Variants in CNTNAP2 observed in about 807,000 individuals in gnomAD.
CNTNAP2 encodes contactin-associated protein-like 2.
A neutral mutation model predicts 155.2 loss-of-function variants in CNTNAP2; 98 were observed. The observed-to-expected ratio is 0.63, with a 90% CI of 0.54 to 0.75. The LOEUF is 0.75. Ranked by LOEUF, CNTNAP2 falls within the 30% of genes least tolerant of loss-of-function variation. The pLI is 0.00. For synonymous variants in CNTNAP2, 651 were observed against 631.2 expected (o/e 1.03, Z -0.47); for missense variants, 1,727 against 1,688.1 (o/e 1.02, Z -0.40).
At chr7:147,762,861 T>G (rs1483270623) in intron 13 of CNTNAP2, among the ~76,000 whole-genome samples, 3 of 151,952 alleles carry the variant, frequency 2.0e-5, no homozygotes, top group Non-Finnish European at 4.4e-5. Flanking sequence ...AGTCTGAACC[T>G]TTCTACTAAA....
chr7:147,291,751 A>G (rs79692406), intron 8 of CNTNAP2, among the ~76,000 whole-genome samples: 1,693 of 152,258 alleles, frequency 0.011, 32 homozygotes, highest in African/African-American at 0.039. Flanking sequence ...TTATACTCCA[A>G]CCAGCAATGC....
intron 3 of CNTNAP2, among the ~76,000 whole-genome samples, chr7:146,902,470 A>G (rs1434695467): frequency 6.6e-6 from 1 of 152,232 alleles, no homozygotes; most frequent in Non-Finnish European, 1.5e-5. Flanking sequence ...TGCTATAATA[A>G]GAAAAGAGTT....
At chr7:146,928,228 T>C (rs529782921) in intron 3 of CNTNAP2, among the ~76,000 whole-genome samples, 74 of 152,236 alleles carry the variant, frequency 4.9e-4, no homozygotes, top group African/African-American at 1.8e-3. Flanking sequence ...AACTGTATTG[T>C]TTTACCATAA....
At chr7:146,530,253 G>T (rs1797750627) in intron 1 of CNTNAP2, among the ~76,000 whole-genome samples, 3 of 152,054 alleles carry the variant, frequency 2.0e-5, no homozygotes, top group Non-Finnish European at 4.4e-5. Flanking sequence ...AGATGTAAAT[G>T]TAAAATCTAA....
At chr7:148,156,458 C>T (rs566567379) in intron 17 of CNTNAP2, among the ~76,000 whole-genome samples, 1 of 152,140 alleles carries the variant, frequency 6.6e-6, no homozygotes, top group South Asian at 2.1e-4. Flanking sequence ...CACTTAGTCT[C>T]TCCTGCATTC....
intron 18 of CNTNAP2, among the ~76,000 whole-genome samples, chr7:148,209,969 C>A (rs1409891569): frequency 6.6e-6 from 1 of 152,194 alleles, no homozygotes; most frequent in Non-Finnish European, 1.5e-5. Flanking sequence ...ACCCCCGTTA[C>A]CAGCAAAATC....
chr7:147,262,177 G>A (rs555657405), intron 8 of CNTNAP2, among the ~76,000 whole-genome samples: 50 of 152,334 alleles, frequency 3.3e-4, no homozygotes, highest in African/African-American at 1.1e-3. Flanking sequence ...GGAAGTGAAT[G>A]TGGAACATAC....
At chr7:146,219,138 A>T (rs1799164995) in intron 1 of CNTNAP2, among the ~76,000 whole-genome samples, 1 of 152,126 alleles carries the variant, frequency 6.6e-6, no homozygotes, top group Non-Finnish European at 1.5e-5. Flanking sequence ...TTATAAGACC[A>T]TCAGATCTCA....
At chr7:148,122,993 G>A (rs1431286827) in intron 16 of CNTNAP2, among the ~76,000 whole-genome samples, 1 of 152,202 alleles carries the variant, frequency 6.6e-6, no homozygotes, top group Non-Finnish European at 1.5e-5. Context: ...TGTGAGTGGG[G>A]CACCTTTCAT....
chr7:147,657,074 A>T (rs1795536816), intron 13 of CNTNAP2, among the ~76,000 whole-genome samples: 1 of 152,248 alleles, frequency 6.6e-6, no homozygotes, highest in Non-Finnish European at 1.5e-5. Flanking sequence ...CTGAAGTGAG[A>T]CATTTAGCTC....
intron 13 of CNTNAP2, among the ~76,000 whole-genome samples, chr7:147,885,832 C>A (rs1799591883): frequency 1.3e-5 from 2 of 152,128 alleles, no homozygotes; most frequent in South Asian, 4.1e-4. Context: ...GGTGGAACTC[C>A]CAGTCTGTAG....
chr7:147,984,994 A>G (rs1801591695), intron 15 of CNTNAP2, among the ~76,000 whole-genome samples: 1 of 152,022 alleles, frequency 6.6e-6, no homozygotes, highest in Non-Finnish European at 1.5e-5. Context: ...GCGCACCTGT[A>G]ATCCCAGCTG....
chr7:147,261,213 G>A (rs1365689695), intron 8 of CNTNAP2, among the ~76,000 whole-genome samples: 1 of 152,148 alleles, frequency 6.6e-6, no homozygotes, highest in African/African-American at 2.4e-5. Context: ...CATGAGAAAT[G>A]TTTAAATTCC....
chr7:147,640,737 AGAAG>A (rs1795257823), intron 13 of CNTNAP2, among the ~76,000 whole-genome samples: 1 of 151,654 alleles, frequency 6.6e-6, no homozygotes, highest in Admixed American at 6.8e-5. Flanking sequence ...CAGGCAAGAA[AGAAG>A]GAAGGAGGAA....
intron 1 of CNTNAP2, among the ~76,000 whole-genome samples, chr7:146,187,366 A>G (rs1272800675): frequency 6.6e-6 from 1 of 152,198 alleles, no homozygotes; most frequent in Non-Finnish European, 1.5e-5. Context: ...GCAATGGTAG[A>G]AGCAAAGGAA....
chr7:148,052,909 T>C (rs1444802678), intron 15 of CNTNAP2, among the ~76,000 whole-genome samples: 2 of 152,112 alleles, frequency 1.3e-5, no homozygotes, highest in Admixed American at 6.5e-5. Context: ...TAGCTGGGCA[T>C]AGTGGCGCAC....
At chr7:148,367,655 A>G (rs548100089) in intron 21 of CNTNAP2, among the ~76,000 whole-genome samples, 18 of 152,184 alleles carry the variant, frequency 1.2e-4, no homozygotes, top group Non-Finnish European at 2.1e-4. Context: ...CCAGAAAACC[A>G]TATTTTCTAG....
At chr7:148,009,471 A>G (rs570195537) in intron 15 of CNTNAP2, among the ~76,000 whole-genome samples, 2 of 152,296 alleles carry the variant, frequency 1.3e-5, no homozygotes, top group South Asian at 2.1e-4. Context: ...CACTATACAT[A>G]TGCATAATTA....
At chr7:147,538,188 A>G (rs77634083) in intron 11 of CNTNAP2, among the ~76,000 whole-genome samples, 30,339 of 152,202 alleles carry the variant, frequency 0.2, 3,253 homozygotes, top group Admixed American at 0.29. Context: ...AAGGTGGCCA[A>G]AAAATCAAGC....
Sources: allele counts gnomAD v4.1 joint callset (sites outside exome capture counted in the v4.1 genomes callset), GRCh38; gene constraint gnomAD v4.1.1; transcripts MANE v1.5; gene names NCBI Gene and HGNC (gene_info 2026-07-23, HGNC 2026-07-21).